Variants in NFATC2 observed in about 807,000 individuals in gnomAD.
The protein encoded by NFATC2 is nuclear factor of activated T cells 2.
In NFATC2, 22 loss-of-function variants were observed where a neutral mutation model predicts 87.3. The ratio of observed to expected loss-of-function variants is 0.25; its 90% CI spans 0.18 to 0.36. The LOEUF (loss-of-function observed/expected upper bound fraction) is 0.36, where lower values mean the gene tolerates loss of function less well. Ranked by LOEUF, NFATC2 falls within the 10% of genes least tolerant of loss-of-function variation. The pLI, the probability that NFATC2 is intolerant of heterozygous loss-of-function variation, is 1.00. For missense variants in NFATC2, 1,149 were observed against 1,259.1 expected, an observed-to-expected ratio of 0.91 and a Z score of 1.32; for synonymous variants, 565 against 542.2, an observed-to-expected ratio of 1.04 and a Z score of -0.58.
rs1989119926 is a variant in NFATC2, at chr20:51,480,192, G to T, written c.1333-4532C>A. ...AATCCCAGCTACTCAGGAGACCAAGGCAGGAGAATCACTTGAACCCGGGGG... is the reference window on the plus strand; with the variant it reads ...AATCCCAGCTACTCAGGAGACCAAGTCAGGAGAATCACTTGAACCCGGGGG... On this transcript the variant is annotated intron_variant, in intron 3 of 10. Transcript: ENST00000371564. The surrounding 1 kb of genome is among the most constrained non-coding windows in gnomAD (Gnocchi z 4.2). Among the ~76,000 whole-genome samples, 1 of 152,104 alleles carries T rather than the reference G, an allele frequency of 6.6e-6. No homozygotes were observed. The highest frequency in any genetic ancestry group is 2.4e-5 in the African/African-American group (1 of 41,402).
intron 3 of NFATC2, among the ~76,000 whole-genome samples, chr20:51,493,791 G>A (rs973610836): frequency 6.6e-6 from 1 of 152,126 alleles, no homozygotes; most frequent in Non-Finnish European, 1.5e-5. Flanking sequence ...TGTCCCCAGA[G>A]AGCTGCTCCC....
rs140358044 is a variant in NFATC2 at position 51,516,135 on chromosome 20, G to GA, written c.1332+648dup. On this transcript the variant is annotated intron_variant, in intron 3 of 10. Transcript: ENST00000371564. ...ATAGGCACACTTCTCTACTTATTTT[G>GA]AAAAAAAAATCTGAGGTTAAATCAA... Among the ~76,000 whole-genome samples, 1,340 of 148,780 alleles carry GA rather than the reference G, an allele frequency of 9.0e-3. 19 individuals are homozygous for GA. Among genetic ancestry groups the GA allele is most frequent in the African/African-American group, 0.03 (1,230 of 40,570 alleles).
At chr20:51,398,339 C>CA (rs1987528281) in intron 10 of NFATC2, among the ~76,000 whole-genome samples, 1 of 152,114 alleles carries the variant, frequency 6.6e-6, no homozygotes, top group Non-Finnish European at 1.5e-5. Context: ...TGTGCAAAAC[C>CA]AAAAAGGAGC....
chr20:51,554,107 C>T (rs1263348689), intron 1 of NFATC2, among the ~76,000 whole-genome samples: 5 of 152,114 alleles, frequency 3.3e-5, no homozygotes, highest in Admixed American at 6.5e-5. Context: ...AGCTCCCATC[C>T]GCACAACTAA....
upstream of NFATC2, among the ~76,000 whole-genome samples, chr20:51,547,648 T>G (rs990946659): frequency 1.1e-4 from 17 of 152,200 alleles, no homozygotes; most frequent in South Asian, 1.2e-3. Flanking sequence ...TCAGTGTGAA[T>G]GTGTCCAAAA....
At chr20:51,515,651 G>C (rs1411459825) in intron 3 of NFATC2, among the ~76,000 whole-genome samples, 1 of 147,562 alleles carries the variant, frequency 6.8e-6, no homozygotes, top group East Asian at 2.0e-4. Flanking sequence ...TCAATGAATA[G>C]AAACAGATTC....
At chr20:51,399,009 C>CT (rs1443120969) in intron 9 of NFATC2, 1 of 338,334 alleles carries the variant, frequency 3.0e-6, no homozygotes, top group African/African-American at 2.1e-5. Context: ...AAAAGGGCTG[C>CT]TGTGGGTATG....
chr20:51,397,290 C>T (rs566171513), intron 10 of NFATC2, among the ~76,000 whole-genome samples: 36 of 152,338 alleles, frequency 2.4e-4, no homozygotes, highest in African/African-American at 8.4e-4. Context: ...TGTTCATCTT[C>T]TCCAGGGAAA....
At chr20:51,481,104 C>T (rs1989215721) in intron 3 of NFATC2, among the ~76,000 whole-genome samples, 1 of 152,174 alleles carries the variant, frequency 6.6e-6, no homozygotes, top group Non-Finnish European at 1.5e-5. Flanking sequence ...ACAAAAGGTA[C>T]AGAATGTGCC....
chr20:51,485,303 C>A (rs370611788), intron 3 of NFATC2, among the ~76,000 whole-genome samples: 2 of 152,314 alleles, frequency 1.3e-5, no homozygotes, highest in African/African-American at 4.8e-5. Context: ...CATTTTGTCC[C>A]TTCCTTTGGG....
chr20:51,519,914 T>TAAA (rs764620449), intron 2 of NFATC2, among the ~76,000 whole-genome samples: 5,660 of 128,364 alleles, frequency 0.044, 132 homozygotes, highest in Middle Eastern at 0.067. Flanking sequence ...AGACTCCATC[T>TAAA]AAAAAAAAAA....
chr20:51,555,928 C>T (rs1213941453), intron 1 of NFATC2, among the ~76,000 whole-genome samples: 1 of 152,250 alleles, frequency 6.6e-6, no homozygotes, highest in Non-Finnish European at 1.5e-5. Flanking sequence ...CAAGTCCTAA[C>T]TCTAGATCCT....
chr20:51,485,215 G>A (rs946276492), intron 3 of NFATC2, among the ~76,000 whole-genome samples: 10 of 152,190 alleles, frequency 6.6e-5, no homozygotes, highest in African/African-American at 2.4e-4. Flanking sequence ...TAGCCTAACA[G>A]GACTCAGGAC....
At chr20:51,557,036 G>T (rs1193273305) in intron 1 of NFATC2, among the ~76,000 whole-genome samples, 2 of 152,162 alleles carry the variant, frequency 1.3e-5, no homozygotes, top group African/African-American at 4.8e-5. Context: ...TAGTCCTGCT[G>T]CAGGAAGCAG....
At chr20:51,519,332 A>G (rs996707192) in intron 2 of NFATC2, among the ~76,000 whole-genome samples, 1 of 152,038 alleles carries the variant, frequency 6.6e-6, no homozygotes, top group Non-Finnish European at 1.5e-5. Flanking sequence ...GCTGAAATAC[A>G]ATCTGAAGAA....
At chr20:51,477,551 AT>A (rs1292821225) in intron 3 of NFATC2, among the ~76,000 whole-genome samples, 1,660 of 112,234 alleles carry the variant, frequency 0.015, 83 homozygotes, top group African/African-American at 0.044. Context: ...ATATATATAT[AT>A]ATATATATAT....
chr20:51,387,256 C>A lies in NFATC2; in HGVS notation c.*4240G>T, dbSNP rs995181443. 5 of 152,212 alleles carry A rather than the reference C, an allele frequency of 3.3e-5. No individual in the cohort carries two copies. The highest frequency in any genetic ancestry group is 4.8e-5 in the African/African-American group (2 of 41,442). The allele number at this position is 152,212 out of a possible 1,614,324, so 9.4% of individuals were successfully genotyped here. A position where few individuals can be genotyped will look rare whatever the true frequency, so the allele number is the denominator to read the frequency against. On this transcript the variant is annotated 3_prime_UTR_variant, in exon 11 of 11. Coordinates refer to ENST00000371564, the MANE Select transcript of NFATC2 (RefSeq NM_012340.5). ...GTCCAGGATGCTAAGCTTGTCCCAA[C>A]AGCCATAGCCTCGGTCTGCTCAGGC...
upstream of NFATC2, among the ~76,000 whole-genome samples, chr20:51,543,057 C>A (rs1416974723): frequency 6.6e-6 from 1 of 152,164 alleles, no homozygotes; most frequent in Non-Finnish European, 1.5e-5. Flanking sequence ...TGCTTTTCTT[C>A]TCCATGGGGT....
At chr20:51,546,462 ACT>A (rs2076890258), upstream of NFATC2, among the ~76,000 whole-genome samples, 5 of 152,120 alleles carry the variant, frequency 3.3e-5, no homozygotes, top group Admixed American at 1.3e-4. Flanking sequence ...ATCGAGAGTG[ACT>A]CTGGGAGGTG....
Sources: gnomAD v4.1 joint callset for allele counts (sites outside exome capture counted in the v4.1 genomes callset) on GRCh38, gnomAD v4.1.1 for gene constraint, Gnocchi (gnomAD v3.1) non-coding constraint, MANE v1.5 for transcripts, NCBI Gene and HGNC (gene_info 2026-07-23, HGNC 2026-07-21) for gene names.